The following RPS11 variants were observed in gnomAD, a reference collection of about 807,000 sequenced individuals.
RPS11 encodes ribosomal protein S11.
For synonymous variants in RPS11, 107 were observed against 78.0 expected, an observed-to-expected ratio of 1.37 and a Z score of -1.96; for missense variants, 127 against 211.4, an observed-to-expected ratio of 0.60 and a Z score of 2.48.
At chr19:49,498,585 C>G (rs1409014210) in intron 4 of RPS11, among the ~76,000 whole-genome samples, 2 of 152,160 alleles carry the variant, frequency 1.3e-5, no homozygotes. Context: ...AACCCTCTCT[C>G]TACAAAAAAT....
intron 3 of RPS11, 147 bp downstream of exon 3, chr19:49,497,742 G>A: frequency 2.6e-6 from 3 of 1,149,596 alleles, no homozygotes; most frequent in South Asian, 1.2e-5. Context: ...TTGTTTTCAC[G>A]ATGGTCTTCA....
intron 4 of RPS11, among the ~76,000 whole-genome samples, chr19:49,498,743 C>G (rs995690015): frequency 1.3e-5 from 2 of 152,114 alleles, no homozygotes; most frequent in African/African-American, 4.8e-5. Flanking sequence ...GAGTAAGACC[C>G]TGTCTCTCCC....
rs778180164 is a variant in RPS11, at chr19:49,496,436, T to C, written c.-21T>C. The C allele has an allele frequency of 2.5e-6, 4 of 1,612,120 alleles. No individual in the cohort carries two copies. The highest frequency in any genetic ancestry group is 3.4e-6 in the Non-Finnish European group (4 of 1,179,260). ...AACCCGGACGCTGCTGCCCCTTTCT[T>C]TTTTTCAGGCGGCCGGGAAGATGGC... is the stretch of plus-strand genomic sequence containing the variant. On this transcript the variant is annotated 5_prime_UTR_variant, in exon 1 of 5. Transcript: ENST00000270625.
intron 2 of RPS11, 23 bp from the exon 3 acceptor site, chr19:49,497,497 C>G (rs1568692244): frequency 6.2e-7 from 1 of 1,612,524 alleles, no homozygotes; most frequent in South Asian, 1.1e-5. Flanking sequence ...AGGCTCACTC[C>G]TTTATCTTTC....
Position 49,499,654 on chromosome 19 carries a change from T to A in RPS11, c.*19T>A. 6.2e-7 allele frequency: 1 copy of A among 1,610,426 alleles called. No homozygotes were observed. Among genetic ancestry groups the A allele is most frequent in the Non-Finnish European group, 8.5e-7 (1 of 1,178,234 alleles). On this transcript the variant is annotated 3_prime_UTR_variant, in exon 5 of 5. Transcript: ENST00000270625. The stretch of plus-strand genomic sequence containing the variant: ...GTTCTGAGGCTGGACATCGGCCCGC[T>A]CCCCACAATGAAATAAAGTTATTTT...
intron 3 of RPS11, 147 bp from the exon 4 acceptor site, chr19:49,497,770 T>C: frequency 1.6e-6 from 2 of 1,256,332 alleles, no homozygotes; most frequent in Non-Finnish European, 2.3e-6. Flanking sequence ...ACGTGGGCAC[T>C]GCTGAGAAAG....
At position 49,499,605 on chromosome 19, in the gene RPS11, C is replaced by A. The variant is rs141064095; in HGVS notation, c.447C>A (p.Ala149=). 1 of 1,613,782 alleles carries A rather than the reference C, an allele frequency of 6.2e-7. No homozygotes were observed. The highest frequency in any genetic ancestry group is 8.5e-7 in the Non-Finnish European group (1 of 1,179,856). ...ACGTGCTCAAGGTCACCAAGGCTGC[C>A]GGCACCAAGAAGCAGTTCCAGAAGT... The part of the protein sequence containing the change: ...RFNVLKVTKA[A]GTKKQFQKF Residue 149 remains alanine (A), a synonymous_variant, in exon 5 of 5, where the codon GCC becomes GCA. Coordinates refer to ENST00000270625, the MANE Select transcript of RPS11 (RefSeq NM_001015.5).
intron 3 of RPS11, 35 bp from the exon 4 acceptor site, chr19:49,497,882 A>G (rs942479939): frequency 3.1e-6 from 5 of 1,613,782 alleles, no homozygotes; most frequent in Non-Finnish European, 4.2e-6. Context: ...CCTCTTTCCC[A>G]TGGGACCTGA....
chr19:49,497,082 T>C, intron 1 of RPS11, 112 bp from the exon 2 acceptor site: 1 of 1,325,624 alleles, frequency 7.5e-7, no homozygotes, highest in Non-Finnish European at 1.0e-6. Context: ...GCCGGCGCTT[T>C]GCAAGTAAAT....
rs2079911403 is a variant in RPS11 at position 49,497,321 on chromosome 19, A to G, written c.143A>G (p.Lys48Arg). ...KNIGLGFKTP[K>R]EAIEGTYIDK... Reference sequence around the variant, plus strand: ...ATCGGTCTGGGCTTCAAGACACCCAAGGAGGTGCGGGGAACCTCAGAAGAA... The same window carrying G: ...ATCGGTCTGGGCTTCAAGACACCCAGGGAGGTGCGGGGAACCTCAGAAGAA... Residue 48 changes from lysine (K) to arginine (R), a missense_variant, in exon 2 of 5, where the codon AAG becomes AGG. By Grantham distance (26) the Lys-to-Arg change is conservative. Coordinates refer to ENST00000270625, the MANE Select transcript of RPS11 (RefSeq NM_001015.5). 2 of 1,614,078 alleles carry G rather than the reference A, an allele frequency of 1.2e-6. No individual in the cohort carries two copies. Among genetic ancestry groups the G allele is most frequent in the Non-Finnish European group, 8.5e-7 (1 of 1,180,004 alleles).
chr19:49,498,151 G>A, intron 4 of RPS11, 105 bp downstream of exon 4: 1 of 1,270,930 alleles, frequency 7.9e-7, no homozygotes, highest in Non-Finnish European at 1.1e-6. Context: ...GACTGAGGTG[G>A]CATCTCTGGG....
At position 49,496,479 on chromosome 19, in the gene RPS11, C is replaced by G; in HGVS notation, c.15+8C>G. On this transcript the variant is annotated splice_region_variant and intron_variant, in intron 1 of 4. Coordinates refer to ENST00000270625, the MANE Select transcript of RPS11 (RefSeq NM_001015.5). ...AAGATGGCGGACATTCAGGTGCGGA[C>G]TCGGGGTTGGATGCCAGGGTGCGGG... The G allele has an allele frequency of 1.2e-6, 2 of 1,610,266 alleles. No homozygotes were observed. The highest frequency in any genetic ancestry group is 1.7e-6 in the Non-Finnish European group (2 of 1,178,352).
chr19:49,497,638 A>T (rs1382725545), intron 3 of RPS11, 43 bp downstream of exon 3: 1 of 1,572,772 alleles, frequency 6.4e-7, no homozygotes, highest in African/African-American at 1.4e-5. Flanking sequence ...GAAATACTGA[A>T]AGAAGGGTCT....
intron 4 of RPS11, among the ~76,000 whole-genome samples, chr19:49,499,092 G>T (rs2079921918): frequency 6.6e-6 from 1 of 152,182 alleles, no homozygotes. Flanking sequence ...CCTCTGGGCG[G>T]GGAGGATCTT....
At chr19:49,496,605 T>C in intron 1 of RPS11, 134 bp downstream of exon 1, 5 of 952,800 alleles carry the variant, frequency 5.2e-6, no homozygotes, top group Non-Finnish European at 6.2e-6. Flanking sequence ...AGAGATTAAC[T>C]GGAGTGGAGG....
chr19:49,497,673 G>C, intron 3 of RPS11, 78 bp downstream of exon 3: 5 of 1,362,120 alleles, frequency 3.7e-6, no homozygotes, highest in Non-Finnish European at 5.3e-6. Context: ...CTGGGTCCTG[G>C]GTGAGAGGGG....
chr19:49,499,696 A>C lies in RPS11; in HGVS notation c.*61A>C. 6.3e-7 allele frequency: 1 copy of C among 1,576,838 alleles called. No individual in the cohort carries two copies. Among genetic ancestry groups the C allele is most frequent in the Non-Finnish European group, 8.7e-7 (1 of 1,154,786 alleles). Reference sequence around the variant, plus strand: ...AGTTATTTTCTCATTCCCAGGCCAGACTTGGGATCTTCCGCGCCTTTACCA... The same window carrying C: ...AGTTATTTTCTCATTCCCAGGCCAGCCTTGGGATCTTCCGCGCCTTTACCA... On this transcript the variant is annotated 3_prime_UTR_variant, in exon 5 of 5. Coordinates refer to ENST00000270625, the MANE Select transcript of RPS11 (RefSeq NM_001015.5).
intron 2 of RPS11, 67 bp from the exon 3 acceptor site, chr19:49,497,453 A>G: frequency 1.9e-6 from 3 of 1,595,936 alleles, no homozygotes; most frequent in South Asian, 2.2e-5. Flanking sequence ...CCCTGAGGCC[A>G]CGCCCCTGGC....
At position 49,496,455 on chromosome 19, in the gene RPS11, A is replaced by G. The variant is rs372959624; in HGVS notation, c.-2A>G. 4 of 1,612,122 alleles carry G rather than the reference A, an allele frequency of 2.5e-6. No individual in the cohort carries two copies. The African/African-American group carries it at 4.0e-5, about 16-fold the overall frequency. ...CTTTCTTTTTTTCAGGCGGCCGGGA[A>G]GATGGCGGACATTCAGGTGCGGACT... On this transcript the variant is annotated 5_prime_UTR_variant, in exon 1 of 5. Transcript: ENST00000270625.
Sources: gnomAD v4.1 joint callset for allele counts (sites outside exome capture counted in the v4.1 genomes callset) on GRCh38, gnomAD v4.1.1 for gene constraint, MANE v1.5 for transcripts, NCBI Gene and HGNC (gene_info 2026-07-23, HGNC 2026-07-21) for gene names.